MRPS27: variants seen among roughly 807,000 people sequenced by gnomAD.
MRPS27 encodes small ribosomal subunit protein mS27.
A neutral mutation model predicts 48.9 loss-of-function variants in MRPS27; 43 were observed. The ratio of observed to expected loss-of-function variants is 0.88; its 90% CI spans 0.69 to 1.13. The LOEUF is 1.13. Ranked by LOEUF, MRPS27 falls within the 50% of genes most tolerant of loss-of-function variation. The pLI is 0.00. For missense variants in MRPS27, 467 were observed against 476.3 expected, an observed-to-expected ratio of 0.98 and a Z score of 0.18; for synonymous variants, 188 against 171.9, an observed-to-expected ratio of 1.09 and a Z score of -0.73.
chr5:72,226,536 A>T (rs1747904348), intron 8 of MRPS27, among the ~76,000 whole-genome samples: 1 of 152,198 alleles, frequency 6.6e-6, no homozygotes, highest in Non-Finnish European at 1.5e-5. Context: ...CTCTTAAAAA[A>T]CAAGTCAACT....
In MRPS27 at chr5:72,260,666, G is replaced by A. The variant is rs114452984; in HGVS notation, c.282-22538C>T. ...AAGTGGCCATTGATTGACACAGAAGGTAAAATTACAACATAATAAAATATG... is the reference window on the plus strand; with the variant it reads ...AAGTGGCCATTGATTGACACAGAAGATAAAATTACAACATAATAAAATATG... On this transcript the variant is annotated intron_variant, in intron 4 of 10. Transcript: ENST00000261413. Among the ~76,000 whole-genome samples, 567 of 152,086 alleles carry A rather than the reference G, an allele frequency of 3.7e-3. 1 individual carries two copies. The highest frequency in any genetic ancestry group is 0.013 in the African/African-American group (551 of 41,480).
Position 72,298,729 on chromosome 5 carries a change from A to AC in MRPS27, c.152-1028_152-1027insG, listed in dbSNP as rs1246488946. Among the ~76,000 whole-genome samples, 38 of 148,838 alleles carry AC rather than the reference A, an allele frequency of 2.6e-4. 1 individual carries two copies. The highest frequency in any genetic ancestry group is 8.5e-4 in the African/African-American group (33 of 39,020). ...CTCCGTCTCAAAAAAAAAAACAAAA[A>AC]AAAAAAAAACAGAGCTACCATTTGA... On this transcript the variant is annotated intron_variant, in intron 2 of 10. Transcript: ENST00000261413.
intron 4 of MRPS27, among the ~76,000 whole-genome samples, chr5:72,243,700 G>C (rs892870365): frequency 6.6e-6 from 1 of 152,158 alleles, no homozygotes; most frequent in Non-Finnish European, 1.5e-5. Context: ...AAGTCAACCA[G>C]ATTGGGCTTG....
intron 5 of MRPS27, among the ~76,000 whole-genome samples, chr5:72,234,754 G>A (rs186192489): frequency 5.3e-5 from 8 of 152,120 alleles, no homozygotes; most frequent in Admixed American, 5.2e-4. Context: ...GCAGGATGTC[G>A]ACTTTCTCAG....
In MRPS27 at chr5:72,297,577, C is replaced by A. The variant is rs2112065486; in HGVS notation, c.222+55G>T. ...TACACAGCCTCATCTACATGAAGGG[C>A]CTTTCTGGCTTTCTTCCTTGTTCTT... On this transcript the variant is annotated intron_variant, in intron 3 of 10. Coordinates refer to ENST00000261413, the MANE Select transcript of MRPS27 (RefSeq NM_015084.3). The A allele has an allele frequency of 7.3e-6, 8 of 1,096,796 alleles. No individual in the cohort carries two copies. In the South Asian group the frequency reaches 1.1e-4, roughly 15 times the overall value. 67.9% of individuals were successfully genotyped at this position (1,096,796 alleles called of 1,614,324 possible). A position where few individuals can be genotyped will look rare whatever the true frequency, so the allele number is the denominator to read the frequency against.
In MRPS27 at chr5:72,242,990, C is replaced by T. The variant is rs1001237340; in HGVS notation, c.282-4862G>A. ...GAGCAAGCTTTCCACAATGTTTATC[C>T]GATTCCGAGAGCCACCAGCCCTAAA... is the stretch of plus-strand genomic sequence containing the variant. On this transcript the variant is annotated intron_variant, in intron 4 of 10. Coordinates refer to ENST00000261413, the MANE Select transcript of MRPS27 (RefSeq NM_015084.3). Among the ~76,000 whole-genome samples, 12 of 152,136 alleles carry T rather than the reference C, an allele frequency of 7.9e-5. No homozygotes were observed. The South Asian group carries it at 1.0e-3, about 13-fold the overall frequency.
rs1282878574 is a variant in MRPS27, at chr5:72,232,427, A to C, written c.591+16T>G. ...TTTCTAAAGTTCTTAATACTGCTTTAGGGAAGATCACTTACACTGAAGTCT... is the reference window on the plus strand; with the variant it reads ...TTTCTAAAGTTCTTAATACTGCTTTCGGGAAGATCACTTACACTGAAGTCT... On this transcript the variant is annotated intron_variant, in intron 7 of 10. Coordinates refer to ENST00000261413, the MANE Select transcript of MRPS27 (RefSeq NM_015084.3). 1.3e-6 allele frequency: 2 copies of C among 1,588,012 alleles called. No homozygotes were observed. Among genetic ancestry groups the C allele is most frequent in the Admixed American group, 3.4e-5 (2 of 59,180 alleles).
chr5:72,243,154 T>C (rs185636848), intron 4 of MRPS27, among the ~76,000 whole-genome samples: 24 of 152,262 alleles, frequency 1.6e-4, no homozygotes, highest in African/African-American at 5.5e-4. Context: ...AAAGAAAGAA[T>C]GCCAAGAAGA....
At chr5:72,292,721 AGAG>A (rs1321214029) in intron 4 of MRPS27, among the ~76,000 whole-genome samples, 4 of 152,180 alleles carry the variant, frequency 2.6e-5, no homozygotes, top group Admixed American at 2.0e-4. Flanking sequence ...GATCACTAGA[AGAG>A]GAGAAGATGT....
intron 4 of MRPS27, among the ~76,000 whole-genome samples, chr5:72,250,939 G>T (rs529692340): frequency 1.3e-5 from 2 of 152,254 alleles, no homozygotes; most frequent in East Asian, 3.9e-4. Context: ...ATGGATTCAG[G>T]ATTCTAACCG....
chr5:72,222,187 G>A (rs1446376424), intron 10 of MRPS27, among the ~76,000 whole-genome samples: 1 of 152,322 alleles, frequency 6.6e-6, no homozygotes, highest in East Asian at 1.9e-4. Context: ...GGAAGAAAAG[G>A]AAATGTAAAA....
At chr5:72,295,482 A>G in intron 4 of MRPS27, 49 bp downstream of exon 4, 1 of 1,355,256 alleles carries the variant, frequency 7.4e-7, no homozygotes, top group Non-Finnish European at 1.0e-6. Flanking sequence ...TATGTAAAAA[A>G]GGGGTGTGAA....
chr5:72,279,149 T>C (rs1466700828), intron 4 of MRPS27, among the ~76,000 whole-genome samples: 1 of 152,214 alleles, frequency 6.6e-6, no homozygotes, highest in Non-Finnish European at 1.5e-5. Context: ...GTCACAATTA[T>C]TATGGAAGTC....
At chr5:72,293,133 A>G (rs912991523) in intron 4 of MRPS27, among the ~76,000 whole-genome samples, 8 of 152,212 alleles carry the variant, frequency 5.3e-5, no homozygotes, top group African/African-American at 1.9e-4. Context: ...TTGCTAAGGC[A>G]TAAGTATGTT....
chr5:72,294,588 T>C (rs1252357157), intron 4 of MRPS27: 2 of 152,206 alleles, frequency 1.3e-5, no homozygotes, highest in Non-Finnish European at 2.9e-5. Context: ...GTGCATTAGG[T>C]TGTTTCAGTC....
intron 4 of MRPS27, among the ~76,000 whole-genome samples, chr5:72,250,279 C>T (rs1748630932): frequency 6.6e-6 from 1 of 152,154 alleles, no homozygotes; most frequent in Non-Finnish European, 1.5e-5. Flanking sequence ...CTTTCTAGAA[C>T]AAGAAAGTTG....
At chr5:72,254,543 C>CTTTAT (rs1303684799) in intron 4 of MRPS27, among the ~76,000 whole-genome samples, 1 of 152,164 alleles carries the variant, frequency 6.6e-6, no homozygotes, top group Non-Finnish European at 1.5e-5. Flanking sequence ...GGAGCCTTTG[C>CTTTAT]TTTACATGGA....
intron 3 of MRPS27, 144 bp downstream of exon 3, chr5:72,297,488 T>G (rs755701477): frequency 1.1e-4 from 59 of 529,882 alleles, no homozygotes; most frequent in Admixed American, 3.4e-4. Flanking sequence ...ATAAAATATC[T>G]ATTAGTAACT....
At chr5:72,265,370 GAAGT>G (rs1268323637) in intron 4 of MRPS27, among the ~76,000 whole-genome samples, 1 of 152,184 alleles carries the variant, frequency 6.6e-6, no homozygotes, top group African/African-American at 2.4e-5. Flanking sequence ...CAGACTTTTA[GAAGT>G]AAGGGAATGA....
Sources: gnomAD v4.1 joint callset for allele counts (sites outside exome capture counted in the v4.1 genomes callset) on GRCh38, gnomAD v4.1.1 for gene constraint, MANE v1.5 for transcripts, NCBI Gene and HGNC (gene_info 2026-07-23, HGNC 2026-07-21) for gene names.